The following ANKRD30B variants were observed in gnomAD, a reference collection of about 807,000 sequenced individuals.
ANKRD30B encodes ankyrin repeat domain 30B.
A neutral mutation model predicts 202.2 loss-of-function variants in ANKRD30B; 144 were observed. The observed-to-expected ratio is 0.71, with a 90% CI of 0.62 to 0.82. The LOEUF is 0.82. Among genes scored for constraint, ANKRD30B ranks in the 40% least tolerant of loss-of-function variants. The pLI is 0.00. For missense variants in ANKRD30B, 1,487 were observed against 1,669.1 expected (o/e 0.89, Z 1.90); for synonymous variants, 508 against 561.3 (o/e 0.91, Z 1.34).
the ANKRD30B span, among the ~76,000 whole-genome samples, chr18:14,924,852 T>C: frequency 1.1e-4 from 17 of 152,322 alleles, no homozygotes; most frequent in East Asian, 3.1e-3. Context: ...GGTAGCTCAG[T>C]GCAGTGGTTA....
intron 10 of ANKRD30B, among the ~76,000 whole-genome samples, chr18:14,778,774 G>A (rs531252404): frequency 6.6e-6 from 1 of 152,156 alleles, no homozygotes; most frequent in Non-Finnish European, 1.5e-5. Flanking sequence ...TGATGCTGGT[G>A]GTCCTTGGAC....
At chr18:14,879,491 C>T in the ANKRD30B span, among the ~76,000 whole-genome samples, 122 of 152,130 alleles carry the variant, frequency 8.0e-4, no homozygotes, top group African/African-American at 2.8e-3. Context: ...CCTAAGACAG[C>T]GATCATAACA....
At chr18:14,912,744 T>C in the ANKRD30B span, among the ~76,000 whole-genome samples, 1 of 152,250 alleles carries the variant, frequency 6.6e-6, no homozygotes, top group African/African-American at 2.4e-5. Context: ...CATCTGGCCC[T>C]GGGTTTCTAC....
Position 14,852,022 on chromosome 18 carries a change from A to C in ANKRD30B, c.4078A>C (p.Lys1360Gln). 6.2e-7 allele frequency: 1 copy of C among 1,601,374 alleles called. No homozygotes were observed. Among genetic ancestry groups the C allele is most frequent in the Non-Finnish European group, 8.5e-7 (1 of 1,172,996 alleles). Residue 1360 changes from lysine to glutamine, a missense_variant, in exon 42 of 44, where the codon AAA (lysine) becomes CAA (glutamine). Lys to Gln is a moderately conservative substitution (Grantham distance 53). Transcript: ENST00000690538. ...ACTTTATGAAGCTCAAAGGAAATCC[A>C]AAAGCCCAAAAATTAATCTCAATTA... ...QPLYEAQRKSKSPKINLNYAG... is the reference protein window; with the variant it reads ...QPLYEAQRKSQSPKINLNYAG...
intron 9 of ANKRD30B, among the ~76,000 whole-genome samples, chr18:14,773,793 C>CCTG (rs1567997040): frequency 6.6e-6 from 1 of 151,774 alleles, no homozygotes; most frequent in Non-Finnish European, 1.5e-5. Flanking sequence ...GTAGCTGGGA[C>CCTG]TACAGGCGCA....
At chr18:14,870,055 C>T in the ANKRD30B span, among the ~76,000 whole-genome samples, 4 of 152,180 alleles carry the variant, frequency 2.6e-5, no homozygotes, top group African/African-American at 7.2e-5. Context: ...ATGCCGGTCT[C>T]GAACTCCTCA....
chr18:14,810,256 C>A (rs1969837183), intron 28 of ANKRD30B, 76 bp downstream of exon 28: 2 of 947,212 alleles, frequency 2.1e-6, no homozygotes, highest in Non-Finnish European at 3.0e-6. Context: ...CCTTTTATTC[C>A]CAAAGTTGTT....
chr18:14,752,817 C>A (rs374547236), intron 2 of ANKRD30B, 22 bp from the exon 3 acceptor site: 75 of 1,595,600 alleles, frequency 4.7e-5, no homozygotes, highest in Non-Finnish European at 5.6e-5. Flanking sequence ...TTATAATGTA[C>A]TTCTTGCTTT....
chr18:14,822,550 T>G (rs750355510), intron 31 of ANKRD30B, 39 bp downstream of exon 31: 1 of 1,027,010 alleles, frequency 9.7e-7, no homozygotes. Flanking sequence ...TATTAACTAC[T>G]TATTTTATGA....
At chr18:14,904,524 T>C in the ANKRD30B span, among the ~76,000 whole-genome samples, 2 of 152,126 alleles carry the variant, frequency 1.3e-5, no homozygotes, top group South Asian at 2.1e-4. Flanking sequence ...TCTCACTCCA[T>C]TGATCTTTTT....
intron 36 of ANKRD30B, among the ~76,000 whole-genome samples, chr18:14,838,105 G>A (rs2143152860): frequency 6.6e-6 from 1 of 152,350 alleles, no homozygotes; most frequent in Non-Finnish European, 1.5e-5. Context: ...CATCTGCATA[G>A]TGCAATTCTG....
chr18:14,889,246 A>T, the ANKRD30B span, among the ~76,000 whole-genome samples: 1 of 151,864 alleles, frequency 6.6e-6, no homozygotes, highest in Non-Finnish European at 1.5e-5. Flanking sequence ...TTCTTTAACC[A>T]CTGGAAATTT....
At chr18:14,893,411 G>T in the ANKRD30B span, among the ~76,000 whole-genome samples, 1 of 152,108 alleles carries the variant, frequency 6.6e-6, no homozygotes, top group African/African-American at 2.4e-5. Context: ...AGGAGTTCAA[G>T]ACCAGCCTGG....
chr18:14,908,250 T>C, the ANKRD30B span, among the ~76,000 whole-genome samples: 1 of 152,168 alleles, frequency 6.6e-6, no homozygotes, highest in Non-Finnish European at 1.5e-5. Flanking sequence ...GACTCACAGT[T>C]CATCTTTCCT....
At chr18:14,860,931 C>A in the ANKRD30B span, among the ~76,000 whole-genome samples, 1 of 151,910 alleles carries the variant, frequency 6.6e-6, no homozygotes, top group Non-Finnish European at 1.5e-5. Context: ...GAACTGCTGA[C>A]CTCAGGTGAT....
intron 14 of ANKRD30B, 31 bp downstream of exon 14, chr18:14,784,566 G>T: frequency 6.3e-7 from 1 of 1,586,596 alleles, no homozygotes; most frequent in South Asian, 1.1e-5. Context: ...ATGCAAAGAT[G>T]AATAGTTCAA....
rs530853222 is a variant in ANKRD30B at position 14,835,162 on chromosome 18, T to A, written c.2848-2049T>A. On this transcript the variant is annotated intron_variant, in intron 34 of 43. Coordinates refer to ENST00000690538, the MANE Select transcript of ANKRD30B (RefSeq NM_001367607.2). ...TCATATGAACATGGTTCTTAATCTG[T>A]CTCTTAAAAGAGAAGAATCACTTTT... Among the ~76,000 whole-genome samples, 15 of 151,948 alleles carry A rather than the reference T, an allele frequency of 9.9e-5. 1 individual carries two copies. The highest frequency in any genetic ancestry group is 9.2e-4 in the Admixed American group (14 of 15,280).
In ANKRD30B at chr18:14,763,775, G is replaced by A. The variant is rs748290025; in HGVS notation, c.910G>A (p.Asp304Asn). ...TGAAAGCTTGCTGGAAAAAACACCTGACGAGGCTGCACGCTTGGTGGAGGG... is the reference window on the plus strand; with the variant it reads ...TGAAAGCTTGCTGGAAAAAACACCTAACGAGGCTGCACGCTTGGTGGAGGG... ...TAESLLEKTPDEAARLVEGTS... is the reference protein window; with the variant it reads ...TAESLLEKTPNEAARLVEGTS... The change falls in exon 7 of 44, where the codon GAC becomes AAC. Residue 304 changes from aspartate to asparagine, a missense_variant. Transcript: ENST00000690538. The A allele has an allele frequency of 2.7e-5, 43 of 1,613,916 alleles. No individual in the cohort carries two copies. Among genetic ancestry groups the A allele is most frequent in the Admixed American group, 1.5e-4 (9 of 59,964 alleles).
At chr18:14,846,840 T>C (rs1971658792) in intron 39 of ANKRD30B, among the ~76,000 whole-genome samples, 1 of 151,748 alleles carries the variant, frequency 6.6e-6, no homozygotes, top group African/African-American at 2.4e-5. Context: ...ATAGGTGTTA[T>C]ACAGGTAGAT....
Sources: allele counts gnomAD v4.1 joint callset (sites outside exome capture counted in the v4.1 genomes callset), GRCh38; gene constraint gnomAD v4.1.1; transcripts MANE v1.5; gene names NCBI Gene and HGNC (gene_info 2026-07-23, HGNC 2026-07-21).